CTNND2: variants seen among roughly 807,000 people sequenced by gnomAD.
CTNND2 encodes the protein catenin delta 2.
A neutral mutation model predicts 144.4 loss-of-function variants in CTNND2; 22 were observed. The ratio of observed to expected loss-of-function variants is 0.15; its 90% CI spans 0.11 to 0.22. The LOEUF (loss-of-function observed/expected upper bound fraction) is 0.22. CTNND2 is among the 10% of genes least tolerant of loss of function. The probability of loss-of-function intolerance (pLI) is 1.00; values close to 1 mark genes in which losing one functional copy is unlikely to be tolerated. For missense variants in CTNND2, 1,353 were observed against 1,618.8 expected, an observed-to-expected ratio of 0.84 and a Z score of 2.82; for synonymous variants, 751 against 695.6, an observed-to-expected ratio of 1.08 and a Z score of -1.25.
At chr5:11,892,192 A>G (rs1394300729) in intron 1 of CTNND2, among the ~76,000 whole-genome samples, 1 of 152,074 alleles carries the variant, frequency 6.6e-6, no homozygotes, top group Admixed American at 6.5e-5. Flanking sequence ...ACTTTTCCAC[A>G]TGCAGCTTAG....
At chr5:11,447,796 A>G (rs1202115900) in intron 3 of CTNND2, among the ~76,000 whole-genome samples, 1 of 152,218 alleles carries the variant, frequency 6.6e-6, no homozygotes, top group Admixed American at 6.5e-5. Flanking sequence ...GCAGGGGCCA[A>G]GGAAGGAGTT....
intron 1 of CTNND2, among the ~76,000 whole-genome samples, chr5:11,777,636 G>A (rs192129696): frequency 2.0e-5 from 3 of 152,190 alleles, no homozygotes; most frequent in African/African-American, 7.2e-5. Flanking sequence ...ATAAATATTG[G>A]GGACTGTGCC....
chr5:11,447,091 C>T (rs1158258187), intron 3 of CTNND2, among the ~76,000 whole-genome samples: 2 of 152,166 alleles, frequency 1.3e-5, no homozygotes, highest in Non-Finnish European at 2.9e-5. Context: ...CTATAAGACA[C>T]CTTATCTGTC....
chr5:11,327,722 G>A (rs2150078245), intron 9 of CTNND2, among the ~76,000 whole-genome samples: 1 of 152,148 alleles, frequency 6.6e-6, no homozygotes, highest in East Asian at 1.9e-4. Flanking sequence ...TGGTTGTTAA[G>A]AGATGTTTCT....
intron 2 of CTNND2, among the ~76,000 whole-genome samples, chr5:11,653,680 T>A (rs964795942): frequency 3.3e-5 from 5 of 152,078 alleles, no homozygotes; most frequent in African/African-American, 1.2e-4. Flanking sequence ...TTTTCTCTCA[T>A]TCCATAGGTT....
chr5:11,495,123 T>A (rs938713542), intron 3 of CTNND2, among the ~76,000 whole-genome samples: 5 of 152,206 alleles, frequency 3.3e-5, no homozygotes, highest in African/African-American at 1.2e-4. Flanking sequence ...TGTGGCTACT[T>A]TAGTTGTCAT....
At chr5:11,813,271 G>A (rs764114072) in intron 1 of CTNND2, among the ~76,000 whole-genome samples, 53 of 152,114 alleles carry the variant, frequency 3.5e-4, no homozygotes, top group Non-Finnish European at 8.8e-5. Context: ...AGTACACTCC[G>A]CAATATTCGC....
intron 6 of CTNND2, chr5:11,385,954 T>A (rs1486106143): frequency 6.6e-6 from 1 of 152,200 alleles, no homozygotes; most frequent in African/African-American, 2.4e-5. Flanking sequence ...GGGCTCCCAA[T>A]CTTTCAGCAT....
chr5:11,584,423 TTTG>T (rs1778670069), intron 2 of CTNND2, among the ~76,000 whole-genome samples: 1 of 138,230 alleles, frequency 7.2e-6, no homozygotes, highest in Non-Finnish European at 1.6e-5. Flanking sequence ...ATATATTTTT[TTTG>T]GGGGGGGGGA....
chr5:11,221,072 T>C (rs1326556967), intron 10 of CTNND2, among the ~76,000 whole-genome samples: 2 of 152,222 alleles, frequency 1.3e-5, no homozygotes, highest in African/African-American at 4.8e-5. Context: ...GATTTTTTTT[T>C]CTTATGTTTG....
At chr5:11,142,487 C>T (rs1756828135) in intron 12 of CTNND2, among the ~76,000 whole-genome samples, 1 of 152,118 alleles carries the variant, frequency 6.6e-6, no homozygotes, top group African/African-American at 2.4e-5. Context: ...ACCAGGAATA[C>T]TTCCATACCC....
rs375624492 is a variant in CTNND2 at position 11,485,345 on chromosome 5, C to CTGTGTGTGTG, written c.288-73286_288-73277dup. 6.8e-3 allele frequency among the ~76,000 whole-genome samples: 1,016 copies of CTGTGTGTGTG among 148,802 alleles called. 12 individuals carry two copies. Among genetic ancestry groups the CTGTGTGTGTG allele is most frequent in the African/African-American group, 0.023 (937 of 40,056 alleles). On this transcript the variant is annotated intron_variant, in intron 3 of 21. Coordinates refer to ENST00000304623, the MANE Select transcript of CTNND2 (RefSeq NM_001332.4). ...CTTAACAGAGAGAGAGAGACAGAGA[C>CTGTGTGTGTG]TGTGTGTGTGTGTGTGTGTGTGTGT...
chr5:11,240,199 ACACACACC>A (rs1474162487), intron 9 of CTNND2, among the ~76,000 whole-genome samples: 51 of 133,530 alleles, frequency 3.8e-4, no homozygotes, highest in African/African-American at 1.2e-3. Flanking sequence ...CAACACACAC[ACACACACC>A]CCCAACACAC....
intron 16 of CTNND2, among the ~76,000 whole-genome samples, chr5:11,077,978 C>T (rs1241172313): frequency 6.6e-6 from 1 of 152,092 alleles, no homozygotes; most frequent in Non-Finnish European, 1.5e-5. Flanking sequence ...CTGGGAGAGA[C>T]CTTGGTTGTG....
At chr5:11,611,237 C>T (rs1364593427) in intron 2 of CTNND2, among the ~76,000 whole-genome samples, 1 of 152,114 alleles carries the variant, frequency 6.6e-6, no homozygotes, top group Non-Finnish European at 1.5e-5. Flanking sequence ...TGTAAGTTTC[C>T]GGAGGCCTCG....
intron 15 of CTNND2, among the ~76,000 whole-genome samples, chr5:11,088,444 T>A (rs1053663622): frequency 1.2e-4 from 18 of 152,342 alleles, no homozygotes; most frequent in African/African-American, 4.1e-4. Context: ...AAAATAAAAT[T>A]AATTCAGTTG....
intron 12 of CTNND2, among the ~76,000 whole-genome samples, chr5:11,142,197 T>C (rs1756800869): frequency 6.6e-6 from 1 of 152,212 alleles, no homozygotes; most frequent in African/African-American, 2.4e-5. Flanking sequence ...GTCAAATAGA[T>C]GATAACTTGC....
At chr5:11,234,690 A>C (rs1217771651) in intron 10 of CTNND2, among the ~76,000 whole-genome samples, 1 of 152,174 alleles carries the variant, frequency 6.6e-6, no homozygotes, top group Non-Finnish European at 1.5e-5. Flanking sequence ...ACGTTTACAG[A>C]GCCAGTTAGA....
intron 1 of CTNND2, among the ~76,000 whole-genome samples, chr5:11,775,766 A>G (rs1359602360): frequency 6.6e-6 from 1 of 152,226 alleles, no homozygotes; most frequent in African/African-American, 2.4e-5. Flanking sequence ...TACCCCCGAC[A>G]TTTATGTCCA....
Sources: gnomAD v4.1 joint callset for allele counts (sites outside exome capture counted in the v4.1 genomes callset) on GRCh38, gnomAD v4.1.1 for gene constraint, MANE v1.5 for transcripts, NCBI Gene and HGNC (gene_info 2026-07-23, HGNC 2026-07-21) for gene names.